Variants in CACNA2D1 observed in about 807,000 individuals in gnomAD.
CACNA2D1 encodes voltage-dependent calcium channel subunit alpha-2/delta-1.
A neutral mutation model predicts 171.5 loss-of-function variants in CACNA2D1; 53 were observed. The ratio of observed to expected loss-of-function variants is 0.31; its 90% CI spans 0.25 to 0.39. The LOEUF is 0.39. Among genes scored for constraint, CACNA2D1 ranks in the 10% least tolerant of loss-of-function variants. The probability of loss-of-function intolerance (pLI) is 1.00; values close to 1 mark genes in which losing one functional copy is unlikely to be tolerated. For synonymous variants in CACNA2D1, 442 were observed against 443.1 expected (o/e 1.00, Z 0.03); for missense variants, 903 against 1,299.8 (o/e 0.69, Z 4.69).
chr7:82,038,377 G>T (rs568703954), intron 10 of CACNA2D1, 142 bp from the exon 11 acceptor site: 1 of 715,426 alleles, frequency 1.4e-6, no homozygotes, highest in African/African-American at 1.8e-5. Context: ...GGTGACAAAG[G>T]TGCATTAAGA....
At chr7:82,186,524 T>C (rs564197921) in intron 3 of CACNA2D1, among the ~76,000 whole-genome samples, 1 of 152,238 alleles carries the variant, frequency 6.6e-6, no homozygotes, top group Admixed American at 6.5e-5. Flanking sequence ...ATTGGCATTA[T>C]GGGGGCATAG....
chr7:82,218,268 C>G (rs112289187), intron 3 of CACNA2D1, among the ~76,000 whole-genome samples: 2 of 152,176 alleles, frequency 1.3e-5, no homozygotes, highest in East Asian at 3.9e-4. Flanking sequence ...CTCAGGAAAA[C>G]GCTTTCAGGC....
At chr7:82,036,846 G>C (rs1239547614) in intron 11 of CACNA2D1, among the ~76,000 whole-genome samples, 1 of 152,092 alleles carries the variant, frequency 6.6e-6, no homozygotes, top group African/African-American at 2.4e-5. Flanking sequence ...AATATTAACA[G>C]ACATTATGAT....
chr7:82,410,132 C>T (rs1827492494), intron 1 of CACNA2D1, among the ~76,000 whole-genome samples: 1 of 152,202 alleles, frequency 6.6e-6, no homozygotes, highest in Non-Finnish European at 1.5e-5. Flanking sequence ...AACTATTACA[C>T]TTACTTTTCT....
intron 4 of CACNA2D1, among the ~76,000 whole-genome samples, chr7:82,147,617 A>G (rs1793298008): frequency 6.6e-6 from 1 of 152,176 alleles, no homozygotes; most frequent in Non-Finnish European, 1.5e-5. Context: ...CTCATGATCC[A>G]GGTCAACAGC....
intron 1 of CACNA2D1, among the ~76,000 whole-genome samples, chr7:82,371,859 C>T (rs1002316663): frequency 6.6e-6 from 1 of 152,086 alleles, no homozygotes; most frequent in African/African-American, 2.4e-5. Context: ...GCCACCATGC[C>T]CAGCCAGCTT....
chr7:82,259,703 G>A (rs927467946), intron 3 of CACNA2D1, among the ~76,000 whole-genome samples: 2 of 152,166 alleles, frequency 1.3e-5, no homozygotes, highest in African/African-American at 4.8e-5. Flanking sequence ...GACATAGGTG[G>A]GGAGACAGGA....
At chr7:82,211,172 CA>C (rs1294139085) in intron 3 of CACNA2D1, among the ~76,000 whole-genome samples, 1 of 152,060 alleles carries the variant, frequency 6.6e-6, no homozygotes, top group African/African-American at 2.4e-5. Context: ...TCCCTTGGGA[CA>C]GGGGGATTCT....
Position 82,022,683 on chromosome 7 carries a change from T to C in CACNA2D1, c.1144-8204A>G, listed in dbSNP as rs181299233. 3.7e-3 allele frequency among the ~76,000 whole-genome samples: 562 copies of C among 152,068 alleles called. 5 individuals are homozygous for C. The highest frequency in any genetic ancestry group is 0.013 in the African/African-American group (533 of 41,568). On this transcript the variant is annotated intron_variant, in intron 12 of 38. Transcript: ENST00000356860. ...GCATATTCAGATATTTGTAACTTGGTTTAGATTTTACAAACTATTGACCAT... is the reference window on the plus strand; with the variant it reads ...GCATATTCAGATATTTGTAACTTGGCTTAGATTTTACAAACTATTGACCAT...
chr7:81,995,569 C>A (rs138377929), intron 19 of CACNA2D1, among the ~76,000 whole-genome samples: 1 of 151,942 alleles, frequency 6.6e-6, no homozygotes, highest in Non-Finnish European at 1.5e-5. Context: ...GAGGCCGAGG[C>A]GGACAAATTG....
chr7:82,060,485 T>C lies in CACNA2D1; in HGVS notation c.822A>G (p.Thr274=), dbSNP rs756643377. The change falls in exon 10 of 39, where the codon ACA becomes ACG. Residue 274 remains threonine (T), a synonymous_variant. Transcript: ENST00000356860. Reference sequence around the variant, plus strand: ...GGGTTTCTAACATTTCGGAGACAGATGTTCGGATCAGTTTAAGTGTCAATC... The same window carrying C: ...GGGTTTCTAACATTTCGGAGACAGACGTTCGGATCAGTTTAAGTGTCAATC... ...VSGLTLKLIR[T]SVSEMLETLS... is the part of the protein sequence containing the mutation. 6.2e-7 allele frequency: 1 copy of C among 1,610,412 alleles called. No homozygotes were observed. The highest frequency in any genetic ancestry group is 1.3e-5 in the African/African-American group (1 of 74,564).
intron 3 of CACNA2D1, among the ~76,000 whole-genome samples, chr7:82,227,023 T>C (rs1802435589): frequency 6.6e-6 from 1 of 152,220 alleles, no homozygotes; most frequent in African/African-American, 2.4e-5. Context: ...TCCAAAGTCA[T>C]GTTAGTAATT....
intron 6 of CACNA2D1, among the ~76,000 whole-genome samples, chr7:82,107,902 C>A (rs1253044229): frequency 6.6e-6 from 1 of 152,072 alleles, no homozygotes; most frequent in East Asian, 1.9e-4. Context: ...TTAATTGAGA[C>A]ATTTTTATTG....
intron 3 of CACNA2D1, among the ~76,000 whole-genome samples, chr7:82,207,208 A>G (rs1252390906): frequency 6.6e-6 from 1 of 152,210 alleles, no homozygotes; most frequent in Non-Finnish European, 1.5e-5. Flanking sequence ...AGGGTATTAT[A>G]TCAGCCCCTG....
At chr7:82,399,732 T>G (rs2129451616) in intron 1 of CACNA2D1, among the ~76,000 whole-genome samples, 1 of 113,518 alleles carries the variant, frequency 8.8e-6, no homozygotes, top group Non-Finnish European at 1.7e-5. Context: ...ACACCTTCGT[T>G]CTTTCAATTT....
intron 3 of CACNA2D1, among the ~76,000 whole-genome samples, chr7:82,221,590 C>A (rs1801765847): frequency 6.6e-6 from 1 of 151,708 alleles, no homozygotes; most frequent in Non-Finnish European, 1.5e-5. Context: ...ATTAAAAATA[C>A]AAAAAAATAG....
chr7:82,026,035 T>G, intron 12 of CACNA2D1, among the ~76,000 whole-genome samples: 1 of 151,392 alleles, frequency 6.6e-6, no homozygotes. Context: ...CATCCTTCTT[T>G]GTCTCGTGTC....
At chr7:82,017,386 C>T (rs1036589706) in intron 12 of CACNA2D1, among the ~76,000 whole-genome samples, 5 of 152,060 alleles carry the variant, frequency 3.3e-5, no homozygotes, top group African/African-American at 1.2e-4. Context: ...ATTTTAACTT[C>T]ACTGATTTCA....
intron 3 of CACNA2D1, among the ~76,000 whole-genome samples, chr7:82,235,274 T>C (rs1324374480): frequency 2.6e-5 from 4 of 152,118 alleles, no homozygotes; most frequent in Non-Finnish European, 1.5e-5. Context: ...AAATATAACA[T>C]TTGTCTTCTG....
Sources: allele counts gnomAD v4.1 joint callset (sites outside exome capture counted in the v4.1 genomes callset), GRCh38; gene constraint gnomAD v4.1.1; transcripts MANE v1.5; gene names NCBI Gene and HGNC (gene_info 2026-07-23, HGNC 2026-07-21).